Variants in INPP4B observed in about 807,000 individuals in gnomAD.
INPP4B encodes the protein inositol polyphosphate 4-phosphatase type II.
In INPP4B, 55 loss-of-function variants were observed where a neutral mutation model predicts 122.5. That is an observed-to-expected ratio of 0.45 (90% CI 0.36 to 0.56). The LOEUF (loss-of-function observed/expected upper bound fraction) is 0.56. Among genes scored for constraint, INPP4B ranks in the 20% least tolerant of loss-of-function variants. The pLI is 0.00. For missense variants in INPP4B, 1,000 were observed against 1,097.7 expected (o/e 0.91, Z 1.26); for synonymous variants, 403 against 388.7 (o/e 1.04, Z -0.43).
chr4:142,614,078 T>C (rs980976534), intron 2 of INPP4B, among the ~76,000 whole-genome samples: 3 of 152,022 alleles, frequency 2.0e-5, no homozygotes, highest in African/African-American at 7.2e-5. Flanking sequence ...GGTATAAAAA[T>C]AGATGCACAG....
intron 22 of INPP4B, among the ~76,000 whole-genome samples, chr4:142,110,567 C>T (rs372935731): frequency 6.6e-6 from 1 of 152,212 alleles, no homozygotes; most frequent in South Asian, 2.1e-4. Flanking sequence ...AAAGGAGGTT[C>T]AGAGAACAGA....
chr4:142,676,848 G>T (rs1757867906), intron 2 of INPP4B, among the ~76,000 whole-genome samples: 1 of 152,008 alleles, frequency 6.6e-6, no homozygotes, highest in African/African-American at 2.4e-5. Context: ...ACTCAAGATG[G>T]ATTAAAGACT....
chr4:142,405,157 G>T, intron 6 of INPP4B, 49 bp downstream of exon 6: 1 of 1,086,172 alleles, frequency 9.2e-7, no homozygotes, highest in Non-Finnish European at 1.4e-6. Context: ...GAGCGAGCCA[G>T]CAAGAGAGAG....
At chr4:142,057,455 A>G (rs778319305) in intron 25 of INPP4B, among the ~76,000 whole-genome samples, 1 of 151,872 alleles carries the variant, frequency 6.6e-6, no homozygotes, top group Non-Finnish European at 1.5e-5. Context: ...TTAAAAAAAG[A>G]TAAATTCTAA....
Position 142,223,101 on chromosome 4 carries a change from G to A in INPP4B, c.837-14075C>T, listed in dbSNP as rs562593273. ...AGCTGAGGAAACTGAAAATTAGAGC[G>A]GCTAGGTAAATTGGGCCATGTCATA... On this transcript the variant is annotated intron_variant, in intron 12 of 25. Coordinates refer to ENST00000262992, the MANE Select transcript of INPP4B (RefSeq NM_001101669.3). 5.9e-5 allele frequency among the ~76,000 whole-genome samples: 9 copies of A among 152,102 alleles called. No individual in the cohort carries two copies. In the East Asian group the frequency reaches 7.7e-4, roughly 13 times the overall value.
intron 9 of INPP4B, among the ~76,000 whole-genome samples, chr4:142,300,780 G>C (rs1761079327): frequency 6.6e-6 from 1 of 151,994 alleles, no homozygotes; most frequent in African/African-American, 2.4e-5. Context: ...ATCCATTTAA[G>C]ATCATCAGTG....
At chr4:142,270,818 T>C in intron 9 of INPP4B, 44 bp from the exon 10 acceptor site, 1 of 1,292,228 alleles carries the variant, frequency 7.7e-7, no homozygotes, top group Non-Finnish European at 1.1e-6. Context: ...GAAGCTTCTC[T>C]CTCCCCCAAA....
intron 15 of INPP4B, among the ~76,000 whole-genome samples, chr4:142,189,185 T>G (rs1907127): frequency 0.99 from 151,371 of 152,352 alleles, 75,205 homozygotes; most frequent in East Asian, 1. Flanking sequence ...TGACAAGGCT[T>G]CTTTAGCTCT....
rs552517887 is a variant in INPP4B at position 142,684,575 on chromosome 4, C to CTGAG, written c.-191+41260_-191+41263dup. Among the ~76,000 whole-genome samples, 30 of 151,954 alleles carry CTGAG rather than the reference C, an allele frequency of 2.0e-4. No homozygotes were observed. In the South Asian group the frequency reaches 6.2e-3, roughly 32 times the overall value. ...CCCAAATAGCTCAACAGCCATAAAA[C>CTGAG]TGAGAAAGGTCTGAGAATTTAGGAC... On this transcript the variant is annotated intron_variant, in intron 2 of 25. Transcript: ENST00000262992.
intron 9 of INPP4B, among the ~76,000 whole-genome samples, chr4:142,272,583 T>C (rs1037606948): frequency 2.0e-5 from 3 of 152,006 alleles, no homozygotes; most frequent in African/African-American, 7.2e-5. Flanking sequence ...GGTGACAGCA[T>C]GATCTGTGAA....
intron 14 of INPP4B, among the ~76,000 whole-genome samples, chr4:142,195,587 A>T (rs1249802275): frequency 1.3e-5 from 2 of 152,180 alleles, no homozygotes; most frequent in Non-Finnish European, 2.9e-5. Flanking sequence ...AAGTTTTTCT[A>T]GGTCAATTTT....
At chr4:142,083,174 A>G (rs1774980521) in intron 24 of INPP4B, among the ~76,000 whole-genome samples, 1 of 152,086 alleles carries the variant, frequency 6.6e-6, no homozygotes, top group East Asian at 1.9e-4. Flanking sequence ...AGAGGAAGGT[A>G]TAATTGTTTT....
chr4:142,388,384 G>T (rs1056511511), intron 7 of INPP4B, among the ~76,000 whole-genome samples: 1 of 148,160 alleles, frequency 6.7e-6, no homozygotes, highest in Admixed American at 6.8e-5. Context: ...TGGAAAAAGG[G>T]TTTTTTTTTT....
At chr4:142,560,783 T>G (rs994846388) in intron 2 of INPP4B, 3 of 152,252 alleles carry the variant, frequency 2.0e-5, no homozygotes, top group Non-Finnish European at 4.4e-5. Context: ...CTACCCAGAT[T>G]GAACGTGTGT....
At chr4:142,618,475 A>T (rs1744164629) in intron 2 of INPP4B, among the ~76,000 whole-genome samples, 1 of 152,080 alleles carries the variant, frequency 6.6e-6, no homozygotes, top group Non-Finnish European at 1.5e-5. Flanking sequence ...AGGATATGCC[A>T]AAGGGAAGGC....
chr4:142,611,083 G>A (rs1452917532), intron 2 of INPP4B, among the ~76,000 whole-genome samples: 2 of 152,182 alleles, frequency 1.3e-5, no homozygotes, highest in Non-Finnish European at 1.5e-5. Context: ...TTCCAGGGAG[G>A]CCTCAGGAAA....
At chr4:142,289,238 C>T (rs1755265904) in intron 9 of INPP4B, among the ~76,000 whole-genome samples, 2 of 152,008 alleles carry the variant, frequency 1.3e-5, no homozygotes, top group South Asian at 4.1e-4. Flanking sequence ...CTTTTCTTGA[C>T]TGTAATTTAA....
intron 9 of INPP4B, among the ~76,000 whole-genome samples, chr4:142,291,696 A>G (rs1329250966): frequency 2.0e-5 from 3 of 152,138 alleles, no homozygotes; most frequent in Non-Finnish European, 4.4e-5. Context: ...TTCTGACTCC[A>G]TCTCTCTATA....
chr4:142,109,455 G>A lies in INPP4B; in HGVS notation c.2277-1265C>T, dbSNP rs186075845. On this transcript the variant is annotated intron_variant, in intron 22 of 25. Transcript: ENST00000262992. ...ATGCTTCTCTCCTCCCTGAAAGGAC[G>A]ATGTCTTATAGTCTCCCTAGTTTAG... 5.6e-4 allele frequency among the ~76,000 whole-genome samples: 85 copies of A among 152,196 alleles called. 1 individual carries two copies. Among genetic ancestry groups the A allele is most frequent in the Admixed American group, 9.8e-4 (15 of 15,262 alleles).
Sources: allele counts gnomAD v4.1 joint callset (sites outside exome capture counted in the v4.1 genomes callset), GRCh38; gene constraint gnomAD v4.1.1; transcripts MANE v1.5; gene names NCBI Gene and HGNC (gene_info 2026-07-23, HGNC 2026-07-21).